TMEM52B: variants seen among roughly 807,000 people sequenced by gnomAD.
The protein encoded by TMEM52B is chromosome 12 open reading frame 59.
A neutral mutation model predicts 16.1 loss-of-function variants in TMEM52B; 11 were observed. That is an observed-to-expected ratio of 0.68 (90% confidence interval 0.43 to 1.13). The LOEUF (loss-of-function observed/expected upper bound fraction) is 1.13, where lower values mean the gene tolerates loss of function less well. TMEM52B is among the 50% of genes most tolerant of loss of function. TMEM52B has a pLI of 0.00. For synonymous variants in TMEM52B, 101 were observed against 93.8 expected (o/e 1.08, Z -0.45); for missense variants, 243 against 230.4 (o/e 1.05, Z -0.35).
At position 10,171,941 on chromosome 12, in the gene TMEM52B, T is replaced by C. The variant is rs771699663; in HGVS notation, c.-95+1090T>C. ...CTTTCTAATCCCATTCTTCGGTGAA[T>C]TTACATTTTGGGGCTAACACTGGGA... On this transcript the variant is annotated intron_variant, in intron 1 of 5. Coordinates refer to the TMEM52B transcript ENST00000381923. 1.1e-5 allele frequency: 14 copies of C among 1,276,500 alleles called. No individual in the cohort carries two copies. In the East Asian group the frequency reaches 1.4e-4, roughly 13 times the overall value. 79.1% of individuals were successfully genotyped at this position (1,276,500 alleles called of 1,614,324 possible).
chr12:10,180,160 T>C (rs1948805826), intron 1 of TMEM52B, among the ~76,000 whole-genome samples: 1 of 152,072 alleles, frequency 6.6e-6, no homozygotes, highest in Admixed American at 6.6e-5. Context: ...TTCTAAACAA[T>C]TGTCACAGGG....
intron 1 of TMEM52B, 113 bp downstream of exon 1, chr12:10,179,741 G>A (rs1948800981): frequency 1.7e-6 from 2 of 1,209,964 alleles, no homozygotes; most frequent in Non-Finnish European, 2.4e-6. Context: ...CAGAACCCAG[G>A]GGGTCATAGG....
rs151166643 is a variant in TMEM52B, at chr12:10,181,077, G to A, written c.54+1449G>A. 9.3e-3 allele frequency among the ~76,000 whole-genome samples: 1,423 copies of A among 152,228 alleles called. 20 individuals are homozygous for A. Among genetic ancestry groups the A allele is most frequent in the African/African-American group, 0.032 (1,339 of 41,524 alleles). On this transcript the variant is annotated intron_variant, in intron 1 of 4. Transcript: ENST00000543484. ...CCACCTCGGCCTCCCAAAGTGGTGG[G>A]ATTGCAGGTGTGAGCCACTGCACCC... is the stretch of plus-strand genomic sequence containing the variant.
At chr12:10,182,020 C>CAAAAAAAAAAAAA (rs765078092) in intron 1 of TMEM52B, 16 of 665,370 alleles carry the variant, frequency 2.4e-5, no homozygotes, top group Admixed American at 1.7e-4. Context: ...GAGCAAGACT[C>CAAAAAAAAAAAAA]AAAAAAAAAA....
chr12:10,171,450 T>C (rs775224496), intron 1 of TMEM52B, among the ~76,000 whole-genome samples: 7 of 152,230 alleles, frequency 4.6e-5, no homozygotes, highest in Non-Finnish European at 2.9e-5. Flanking sequence ...AAATGTAACT[T>C]ATGCTAAACT....
At chr12:10,182,653 A>C in intron 2 of TMEM52B, 60 bp downstream of exon 2, 1 of 1,481,892 alleles carries the variant, frequency 6.7e-7, no homozygotes, top group South Asian at 1.3e-5. Context: ...ACTACCCCAA[A>C]AGAGAGTCAA....
At position 10,189,497 on chromosome 12, in the gene TMEM52B, G is replaced by A. The variant is rs541019346; in HGVS notation, c.308-399G>A. On this transcript the variant is annotated intron_variant, in intron 4 of 4. Coordinates refer to ENST00000543484, the MANE Select transcript of TMEM52B (RefSeq NM_001384896.1). Reference sequence around the variant, plus strand: ...AAATTACCTGGGCATGGTGGCGGGCGCCTGTAATCCCAGCTACTTGGGAGG... The same window carrying A: ...AAATTACCTGGGCATGGTGGCGGGCACCTGTAATCCCAGCTACTTGGGAGG... 4.0e-5 allele frequency among the ~76,000 whole-genome samples: 6 copies of A among 151,748 alleles called. No individual in the cohort carries two copies. In the East Asian group the frequency reaches 7.8e-4, roughly 20 times the overall value.
At chr12:10,184,979 T>C (rs373605645) in intron 2 of TMEM52B, among the ~76,000 whole-genome samples, 2 of 152,314 alleles carry the variant, frequency 1.3e-5, no homozygotes, top group East Asian at 1.9e-4. Flanking sequence ...CCCAAAGTGC[T>C]GGGATTACAG....
intron 4 of TMEM52B, among the ~76,000 whole-genome samples, chr12:10,189,414 A>G (rs1291982510): frequency 2.6e-5 from 4 of 151,888 alleles, no homozygotes; most frequent in Non-Finnish European, 5.9e-5. Context: ...ACCTGAGGTC[A>G]GGAGTTCAAG....
In TMEM52B at chr12:10,187,379, C is replaced by T. The variant is rs969237485; in HGVS notation, c.307+790C>T. Among the ~76,000 whole-genome samples the T allele has an allele frequency of 4.0e-5, 6 of 150,994 alleles. 1 individual carries two copies. The Admixed American group carries it at 4.0e-4, about 10-fold the overall frequency. On this transcript the variant is annotated intron_variant, in intron 4 of 4. Transcript: ENST00000543484. ...CCTCACAAAGGGCTGGGATTACAGG[C>T]GTGAGCCACCATGCCTGGCCAAAAT...
intron 1 of TMEM52B, among the ~76,000 whole-genome samples, chr12:10,173,422 C>T (rs1449473987): frequency 6.6e-6 from 1 of 152,064 alleles, no homozygotes; most frequent in Non-Finnish European, 1.5e-5. Context: ...AATTAGGATT[C>T]CATTTCCCTC....
rs1591985397 is a variant in TMEM52B at position 10,172,275 on chromosome 12, G to A, written c.-95+1424G>A. On this transcript the variant is annotated intron_variant, in intron 1 of 5. Coordinates refer to the TMEM52B transcript ENST00000381923. ...CGCAAATTCTTGAGTTATGTGTATT[G>A]CAGGTGGAGAAAGTGGTGATTCTGA... 5.9e-6 allele frequency: 3 copies of A among 512,142 alleles called. No homozygotes were observed. In the East Asian group the frequency reaches 9.1e-5, roughly 16 times the overall value. The allele number at this position is 512,142 out of a possible 1,614,324, so 31.7% of individuals were successfully genotyped here.
intron 1 of TMEM52B, chr12:10,172,151 G>T: frequency 1.0e-6 from 1 of 999,892 alleles, no homozygotes; most frequent in Non-Finnish European, 1.6e-6. Flanking sequence ...GTGAGCTTCT[G>T]CAGAAGTATT....
chr12:10,174,898 A>G (rs1053443313), upstream of TMEM52B, among the ~76,000 whole-genome samples: 4 of 152,246 alleles, frequency 2.6e-5, no homozygotes, highest in African/African-American at 9.6e-5. Context: ...TCAATGTGGT[A>G]GCATGTGTCA....
At chr12:10,187,029 G>A (rs1453456829) in intron 4 of TMEM52B, among the ~76,000 whole-genome samples, 3 of 149,740 alleles carry the variant, frequency 2.0e-5, no homozygotes, top group African/African-American at 7.4e-5. Flanking sequence ...CTAAATTTTA[G>A]CCTTAACATT....
chr12:10,174,357 T>C (rs562815124), upstream of TMEM52B, among the ~76,000 whole-genome samples: 1 of 152,330 alleles, frequency 6.6e-6, no homozygotes, highest in African/African-American at 2.4e-5. Context: ...GCCACCGTGC[T>C]GGCCTTCTGT....
chr12:10,185,290 C>T (rs1948867347), intron 2 of TMEM52B, 40 bp from the exon 3 acceptor site: 1 of 1,409,502 alleles, frequency 7.1e-7, no homozygotes, highest in African/African-American at 1.4e-5. Flanking sequence ...CAGGGATTGA[C>T]TATATTTTTA....
intron 2 of TMEM52B, among the ~76,000 whole-genome samples, chr12:10,184,194 C>T (rs1948854383): frequency 1.3e-5 from 2 of 152,296 alleles, no homozygotes; most frequent in South Asian, 2.1e-4. Flanking sequence ...GTGGTGCACT[C>T]GGAAGACCTG....
At position 10,186,533 on chromosome 12, in the gene TMEM52B, G is replaced by C. The variant is rs188133870; in HGVS notation, c.251G>C (p.Cys84Ser). 1.7e-4 allele frequency: 279 copies of C among 1,609,370 alleles called. 3 individuals carry two copies. The East Asian group carries it at 6.1e-3, about 35-fold the overall frequency. ...GGGGAAGATGGGGGCCCACCACCCT[G>C]TGAAGTGACCGTCATTGCTTTCGAT... is the stretch of plus-strand genomic sequence containing the variant. ...QNGEDGGPPP[C>S]EVTVIAFDHD... The change falls in exon 4 of 5, where the codon TGT becomes TCT. Residue 84 changes from cysteine to serine, a missense_variant. Coordinates refer to ENST00000543484, the MANE Select transcript of TMEM52B (RefSeq NM_001384896.1).
Sources: gnomAD v4.1 joint callset for allele counts (sites outside exome capture counted in the v4.1 genomes callset) on GRCh38, gnomAD v4.1.1 for gene constraint, MANE v1.5 for transcripts, NCBI Gene and HGNC (gene_info 2026-07-23, HGNC 2026-07-21) for gene names.